The following TRMT44 variants were observed in gnomAD, a reference collection of about 807,000 sequenced individuals.
TRMT44 encodes the protein tRNA methyltransferase 44 homolog.
Under a neutral mutation model 77.3 loss-of-function variants are expected in TRMT44, and 78 were observed. The observed-to-expected ratio is 1.01, with a 90% CI of 0.84 to 1.22. TRMT44 has a LOEUF of 1.22. TRMT44 is among the 50% of genes most tolerant of loss of function. TRMT44 has a pLI of 0.00. For synonymous variants in TRMT44, 391 were observed against 383.3 expected, an observed-to-expected ratio of 1.02 and a Z score of -0.23; for missense variants, 1,090 against 964.4, an observed-to-expected ratio of 1.13 and a Z score of -1.73.
At chr4:8,472,445 G>A (rs1727070333) in intron 10 of TRMT44, among the ~76,000 whole-genome samples, 1 of 152,232 alleles carries the variant, frequency 6.6e-6, no homozygotes, top group African/African-American at 2.4e-5. Flanking sequence ...CCTAGCTTCT[G>A]GGTCCCCTGC....
intron 9 of TRMT44, 48 bp downstream of exon 9, chr4:8,468,394 G>A: frequency 6.3e-7 from 1 of 1,584,384 alleles, no homozygotes; most frequent in East Asian, 2.2e-5. Context: ...TCCCAGGCTT[G>A]AGGGCAGGAA....
At position 8,446,669 on chromosome 4, in the gene TRMT44, C is replaced by A; in HGVS notation, c.734+79C>A. 1 of 1,037,234 alleles carries A rather than the reference C, an allele frequency of 9.6e-7. No homozygotes were observed. 64.3% of individuals were successfully genotyped at this position (1,037,234 alleles called of 1,614,324 possible). On this transcript the variant is annotated intron_variant, in intron 2 of 10. Coordinates refer to ENST00000389737, the MANE Select transcript of TRMT44 (RefSeq NM_152544.3). The surrounding 1 kb of genome is among the most constrained non-coding windows in gnomAD (Gnocchi z 4.3). ...TAGGTAGCCAAAGGATTCTGGGTTG[C>A]CAGGGCTTAAGGTCCTGTCTCTGAG...
intron 8 of TRMT44, among the ~76,000 whole-genome samples, chr4:8,466,662 T>A (rs1726573876): frequency 6.6e-6 from 1 of 152,266 alleles, no homozygotes; most frequent in African/African-American, 2.4e-5. Context: ...TGCTAAAGTT[T>A]GGGTCCTCTA....
At chr4:8,484,379 G>A (rs191162464) in intron 2 of TRMT44, among the ~76,000 whole-genome samples, 48 of 152,274 alleles carry the variant, frequency 3.2e-4, no homozygotes, top group African/African-American at 9.9e-4. Flanking sequence ...AAGTATATGC[G>A]TCAGGTGTGA....
intron 2 of TRMT44, among the ~76,000 whole-genome samples, chr4:8,447,732 G>A (rs1466913941): frequency 1.3e-5 from 2 of 152,196 alleles, no homozygotes; most frequent in Non-Finnish European, 2.9e-5. Flanking sequence ...AGGTTGCCCC[G>A]AGTTGTCAGG....
intron 2 of TRMT44, among the ~76,000 whole-genome samples, chr4:8,485,019 G>C (rs147642474): frequency 0.033 from 5,083 of 152,270 alleles, 125 homozygotes; most frequent in Middle Eastern, 0.065. Flanking sequence ...TTGTTGAGAA[G>C]ATTCAAAGGA....
rs1019851119 is a variant in TRMT44 at position 8,475,908 on chromosome 4, T to A, written c.2181T>A (p.Asp727Glu). The change falls in exon 11 of 11, where the codon GAT (aspartate) becomes GAA (glutamate). Residue 727 changes from aspartate to glutamate, a missense_variant. By Grantham distance (45) the Asp-to-Glu change is conservative. Coordinates refer to ENST00000389737, the MANE Select transcript of TRMT44 (RefSeq NM_152544.3). ...RLCWFFMHHPDGCALSTDCCP... is the reference protein window; with the variant it reads ...RLCWFFMHHPEGCALSTDCCP... ...GCTGGTTCTTCATGCATCACCCTGA[T>A]GGCTGCGCTCTGTCCACGGACTGCT... 6.2e-7 allele frequency: 1 copy of A among 1,614,058 alleles called. No individual in the cohort carries two copies. The highest frequency in any genetic ancestry group is 8.5e-7 in the Non-Finnish European group (1 of 1,180,042).
the TRMT44 span, among the ~76,000 whole-genome samples, chr4:8,500,325 C>G: frequency 5.9e-5 from 9 of 152,020 alleles, no homozygotes. Flanking sequence ...AACCCTATCT[C>G]TACTAAAAAT....
chr4:8,466,713 C>A (rs1726578423), intron 8 of TRMT44, among the ~76,000 whole-genome samples: 1 of 152,260 alleles, frequency 6.6e-6, no homozygotes, highest in Admixed American at 6.5e-5. Flanking sequence ...TTTGCACTTG[C>A]TTCTCCATTA....
downstream of TRMT44, chr4:8,493,680 G>A (rs1282256037): frequency 2.6e-5 from 4 of 152,100 alleles, no homozygotes; most frequent in Admixed American, 6.6e-5. Flanking sequence ...GGCACCTCTC[G>A]ACTTTCCGTT....
At chr4:8,502,446 T>A in the TRMT44 span, among the ~76,000 whole-genome samples, 1 of 152,234 alleles carries the variant, frequency 6.6e-6, no homozygotes, top group African/African-American at 2.4e-5. Context: ...CATGGTGCAG[T>A]GGGTCTGAAG....
At chr4:8,465,715 C>T (rs1332649697) in intron 8 of TRMT44, among the ~76,000 whole-genome samples, 154 bp downstream of exon 8, 2 of 152,138 alleles carry the variant, frequency 1.3e-5, no homozygotes, top group Non-Finnish European at 2.9e-5. Flanking sequence ...TGATGAGGCC[C>T]AGAGGCTTGT....
the TRMT44 span, among the ~76,000 whole-genome samples, chr4:8,513,905 G>T: frequency 6.6e-6 from 1 of 152,192 alleles, no homozygotes; most frequent in African/African-American, 2.4e-5. Context: ...GGAGCAGCCA[G>T]AACTCTTGGG....
intron 3 of TRMT44, 137 bp downstream of exon 3, chr4:8,450,025 G>C: frequency 1.7e-4 from 79 of 477,026 alleles, no homozygotes; most frequent in Non-Finnish European, 2.2e-4. Flanking sequence ...AGAGTGAAGT[G>C]GTGTGATCTT....
rs1727347642 is a variant in TRMT44 at position 8,475,890 on chromosome 4, C to T, written c.2163C>T (p.Phe721=). The part of the protein sequence containing the change: ...SEACKTRLCW[F]FMHHPDGCAL... ...CCTGCAAAACCCGCCTCTGCTGGTT[C>T]TTCATGCATCACCCTGATGGCTGCG... Residue 721 remains phenylalanine, a synonymous_variant, in exon 11 of 11, where the codon TTC becomes TTT. Coordinates refer to ENST00000389737, the MANE Select transcript of TRMT44 (RefSeq NM_152544.3). 2 of 1,614,108 alleles carry T rather than the reference C, an allele frequency of 1.2e-6. No individual in the cohort carries two copies. Among genetic ancestry groups the T allele is most frequent in the African/African-American group, 1.3e-5 (1 of 74,934 alleles).
At chr4:8,505,564 A>G in the TRMT44 span, among the ~76,000 whole-genome samples, 1 of 152,172 alleles carries the variant, frequency 6.6e-6, no homozygotes, top group Admixed American at 6.5e-5. Flanking sequence ...GGAGCAGCAA[A>G]TGTGCCTGCC....
Position 8,449,929 on chromosome 4 carries a change from A to ATTTTCTTTTCTTTTC in TRMT44, c.954+51_954+65dup, listed in dbSNP as rs749712570. The ATTTTCTTTTCTTTTC allele has an allele frequency of 5.5e-4, 134 of 243,686 alleles. 25 individuals carry two copies. The highest frequency in any genetic ancestry group is 1.1e-3 in the South Asian group (17 of 15,430). 15.1% of individuals were successfully genotyped at this position (243,686 alleles called of 1,614,324 possible). A position where few individuals can be genotyped will look rare whatever the true frequency, so the allele number is the denominator to read the frequency against. On this transcript the variant is annotated intron_variant, in intron 3 of 10. Transcript: ENST00000389737. The stretch of plus-strand genomic sequence containing the variant: ...AATATCTGATTTTTCCCCCTTCATG[A>ATTTTCTTTTCTTTTC]TTTTCTTTTCTTTTCTTTTCTTTTT...
the TRMT44 span, among the ~76,000 whole-genome samples, chr4:8,506,466 G>T: frequency 1.3e-5 from 2 of 152,164 alleles, no homozygotes; most frequent in Admixed American, 6.5e-5. Context: ...GTGGGAGGTA[G>T]TGACTGTCCT....
At chr4:8,503,008 G>A in the TRMT44 span, among the ~76,000 whole-genome samples, 16 of 152,332 alleles carry the variant, frequency 1.1e-4, no homozygotes, top group South Asian at 3.3e-3. Flanking sequence ...GTAATGTCAT[G>A]GGTTGAGGGG....
Sources: allele counts gnomAD v4.1 joint callset (sites outside exome capture counted in the v4.1 genomes callset), GRCh38; gene constraint gnomAD v4.1.1; non-coding constraint Gnocchi (gnomAD v3.1); transcripts MANE v1.5; gene names NCBI Gene and HGNC (gene_info 2026-07-23, HGNC 2026-07-21).